Variants in NAF1 observed in about 807,000 individuals in gnomAD.
The protein encoded by NAF1 is H/ACA ribonucleoprotein complex non-core subunit NAF1.
A neutral mutation model predicts 40.6 loss-of-function variants in NAF1; 11 were observed. The observed-to-expected ratio is 0.27, with a 90% CI of 0.17 to 0.45. NAF1 has a LOEUF of 0.45. Ranked by LOEUF, NAF1 falls within the 20% of genes least tolerant of loss-of-function variation. The pLI is 1.00. For synonymous variants in NAF1, 260 were observed against 228.5 expected (o/e 1.14, Z -1.24); for missense variants, 607 against 611.1 (o/e 0.99, Z 0.07).
In NAF1 at chr4:163,166,399, G is replaced by A. The variant is rs143292819; in HGVS notation, c.329C>T (p.Ser110Phe). 1 of 1,607,414 alleles carries A rather than the reference G, an allele frequency of 6.2e-7. No homozygotes were observed. The highest frequency in any genetic ancestry group is 1.7e-5 in the Admixed American group (1 of 59,534). ...GAAEPARAPD[S>F]LETSDSDSDS... ...CGAATCCGAGTCCGAGGTCTCCAAG[G>A]AGTCCGGCGCCCGCGCAGGCTCTGC... The change falls in exon 1 of 8, where the codon TCC becomes TTC. Residue 110 changes from serine (S) to phenylalanine (F), a missense_variant. Ser to Phe is a radical substitution (Grantham distance 155). Transcript: ENST00000274054.
At chr4:163,133,483 TC>T in intron 6 of NAF1, 2 of 407,544 alleles carry the variant, frequency 4.9e-6, no homozygotes, top group Non-Finnish European at 8.7e-6. Flanking sequence ...TAATCAGCCT[TC>T]AGATATGAGT....
Position 163,128,675 on chromosome 4 carries a change from TTAAA to T in NAF1, c.*218_*221del. ...AGAAGGCATGAATTCAAAATTTTAATTAAATATTACATAATTTAATGTTCTCCCA... is the reference window on the plus strand; with the variant it reads ...AGAAGGCATGAATTCAAAATTTTAATTATTACATAATTTAATGTTCTCCCA... On this transcript the variant is annotated 3_prime_UTR_variant, in exon 8 of 8. Coordinates refer to ENST00000274054, the MANE Select transcript of NAF1 (RefSeq NM_138386.3). The T allele has an allele frequency of 9.6e-7, 1 of 1,045,838 alleles. No homozygotes were observed. Among genetic ancestry groups the T allele is most frequent in the Non-Finnish European group, 1.2e-6 (1 of 841,414 alleles). 64.8% of individuals were successfully genotyped at this position (1,045,838 alleles called of 1,614,324 possible).
downstream of NAF1, among the ~76,000 whole-genome samples, chr4:163,109,317 T>C (rs1036113209): frequency 2.0e-5 from 3 of 152,194 alleles, no homozygotes; most frequent in South Asian, 4.1e-4. Flanking sequence ...ATATAAAATT[T>C]ATAGAGAATT....
chr4:163,122,395 A>G (rs1366314238), downstream of NAF1, among the ~76,000 whole-genome samples: 1 of 152,206 alleles, frequency 6.6e-6, no homozygotes, highest in Non-Finnish European at 1.5e-5. Flanking sequence ...GGAAAAGAGG[A>G]AAAGAATGAG....
chr4:163,105,603 A>T (rs78837160), downstream of NAF1, among the ~76,000 whole-genome samples: 2,861 of 152,324 alleles, frequency 0.019, 105 homozygotes, highest in African/African-American at 0.064. Context: ...ATCTGTTGGA[A>T]ATAATTTCTT....
chr4:163,136,512 CA>C (rs78526517), intron 6 of NAF1, among the ~76,000 whole-genome samples: 30 of 145,264 alleles, frequency 2.1e-4, no homozygotes, highest in Middle Eastern at 3.6e-3. Flanking sequence ...TGTTGTAATT[CA>C]AAAAAAAAAC....
In NAF1 at chr4:163,140,367, C is replaced by A; in HGVS notation, c.734G>T (p.Gly245Val). The A allele has an allele frequency of 6.2e-7, 1 of 1,603,516 alleles. No homozygotes were observed. Residue 245 changes from glycine to valine, a missense_variant, in exon 5 of 8, where the codon GGA becomes GTA. Around this residue, in one of 3 missense-constraint regions of NAF1, gnomAD observed 407 missense variants for 365.5 expected, o/e 1.11. Coordinates refer to ENST00000274054, the MANE Select transcript of NAF1 (RefSeq NM_138386.3). ...QAAGKIFEIF[G>V]PVAHPFYVLR... ...CACATAAAATGGATGTGCAACAGGT[C>A]CAAATATCTCGAATATCTGTAATAG...
chr4:163,152,471 A>G (rs1731749639), intron 2 of NAF1, among the ~76,000 whole-genome samples: 1 of 152,204 alleles, frequency 6.6e-6, no homozygotes, highest in Admixed American at 6.5e-5. Flanking sequence ...GGTCAAAAAC[A>G]GTGTCTGGCA....
rs1324863485 is a variant in NAF1 at position 163,145,839 on chromosome 4, T to C, written c.660A>G (p.Leu220=). ...TTACAGTCTCCTCATTAACTGGAGG[T>C]AGGTTAGTCATAGATTCAATTATTA... is the stretch of plus-strand genomic sequence containing the variant. ...QLVIIESMTN[L]PPVNEETVIF... Residue 220 remains leucine, a synonymous_variant, in exon 4 of 8, where the codon CTA becomes CTG. Coordinates refer to ENST00000274054, the MANE Select transcript of NAF1 (RefSeq NM_138386.3). 4 of 1,570,822 alleles carry C rather than the reference T, an allele frequency of 2.5e-6. No individual in the cohort carries two copies. The South Asian group carries it at 4.6e-5, about 18-fold the overall frequency.
chr4:163,104,762 C>G, the NAF1 span, among the ~76,000 whole-genome samples: 3 of 152,168 alleles, frequency 2.0e-5, no homozygotes, highest in Admixed American at 2.0e-4. Context: ...CCATAAGAAT[C>G]CTGGCAAAGC....
chr4:163,121,591 T>C (rs903247934), intron 2 of NAF1, among the ~76,000 whole-genome samples: 1 of 152,214 alleles, frequency 6.6e-6, no homozygotes, highest in African/African-American at 2.4e-5. Context: ...GAGATTATTA[T>C]TGGTGTTAAA....
chr4:163,150,320 A>G (rs926065540), intron 2 of NAF1, among the ~76,000 whole-genome samples: 1 of 152,176 alleles, frequency 6.6e-6, no homozygotes, highest in African/African-American at 2.4e-5. Context: ...TACAAAGTAA[A>G]AAGTGAAAAT....
intron 2 of NAF1, among the ~76,000 whole-genome samples, chr4:163,163,960 A>C (rs1732336136): frequency 6.6e-6 from 1 of 152,182 alleles, no homozygotes; most frequent in Admixed American, 6.5e-5. Flanking sequence ...AATGTAAAAA[A>C]TGTAAAGTTC....
chr4:163,107,943 T>C (rs1477319937), downstream of NAF1, among the ~76,000 whole-genome samples: 4 of 152,198 alleles, frequency 2.6e-5, no homozygotes, highest in East Asian at 7.7e-4. Flanking sequence ...GGGGGCGATA[T>C]TGCCCTCTTT....
chr4:163,110,127 C>T, exon 3 of NAF1: 1 of 536,836 alleles, frequency 1.9e-6, no homozygotes, highest in East Asian at 3.0e-5. Context: ...CTGTGGGTTG[C>T]CATGAGGTTC....
intron 4 of NAF1, 124 bp from the exon 5 acceptor site, chr4:163,140,507 C>A: frequency 4.0e-6 from 3 of 740,974 alleles, no homozygotes; most frequent in East Asian, 2.9e-5. Flanking sequence ...AGTGTTAGGG[C>A]AATAAAATAA....
At chr4:163,105,467 G>A (rs1560771693), downstream of NAF1, among the ~76,000 whole-genome samples, 1 of 152,182 alleles carries the variant, frequency 6.6e-6, no homozygotes, top group Non-Finnish European at 1.5e-5. Context: ...CATCACTTTT[G>A]AAGCTGTTAT....
the NAF1 span, among the ~76,000 whole-genome samples, chr4:163,104,274 C>A: frequency 1.3e-5 from 2 of 152,114 alleles, no homozygotes; most frequent in Non-Finnish European, 2.9e-5. Context: ...TGTATACATG[C>A]AGGTCACAGG....
chr4:163,123,124 A>C (rs911125372), downstream of NAF1, among the ~76,000 whole-genome samples: 1 of 152,216 alleles, frequency 6.6e-6, no homozygotes, highest in Non-Finnish European at 1.5e-5. Context: ...CTCTGGTTAG[A>C]GCCTCAGGAA....
Sources: gnomAD v4.1 joint callset for allele counts (sites outside exome capture counted in the v4.1 genomes callset) on GRCh38, gnomAD v4.1.1 for gene constraint, gnomAD v4.1.1 regional missense constraint, MANE v1.5 for transcripts, NCBI Gene and HGNC (gene_info 2026-07-23, HGNC 2026-07-21) for gene names.